Variants in RNASEH1 observed in about 807,000 individuals in gnomAD.
RNASEH1 encodes ribonuclease H type II.
A neutral mutation model predicts 34.6 loss-of-function variants in RNASEH1; 27 were observed. The ratio of observed to expected loss-of-function variants is 0.78; its 90% CI spans 0.58 to 1.08. The LOEUF is 1.08. Ranked by LOEUF, RNASEH1 falls within the 50% of genes least tolerant of loss-of-function variation. The pLI is 0.00. For missense variants in RNASEH1, 349 were observed against 373.6 expected (o/e 0.93, Z 0.54); for synonymous variants, 162 against 138.4 (o/e 1.17, Z -1.20).
At chr2:3,557,815 A>C in intron 1 of RNASEH1, 1 of 1,259,498 alleles carries the variant, frequency 7.9e-7, no homozygotes, top group Admixed American at 2.2e-5. Context: ...GTTCGTTCTG[A>C]TTACGTGTCA....
rs199645720 is a variant in RNASEH1 at position 3,550,435 on chromosome 2, G to A, written c.447C>T (p.Ser149=). Reference sequence around the variant, plus strand: ...CTCGCGGCCTTCTACGCCCATTACTGGAGCAGCAGCCATCAGTGTAGACGA... The same window carrying A: ...CTCGCGGCCTTCTACGCCCATTACTAGAGCAGCAGCCATCAGTGTAGACGA... ...FVVVYTDGCC[S]SNGRRRPRAG... is the part of the protein sequence containing the mutation. Residue 149 remains serine (S), a synonymous_variant, in exon 4 of 8, where the codon TCC becomes TCT. Transcript: ENST00000315212. 6.2e-7 allele frequency: 1 copy of A among 1,614,118 alleles called. No homozygotes were observed. The highest frequency in any genetic ancestry group is 8.5e-7 in the Non-Finnish European group (1 of 1,179,998).
downstream of RNASEH1, among the ~76,000 whole-genome samples, chr2:3,538,377 T>G (rs921093457): frequency 6.6e-6 from 1 of 151,302 alleles, no homozygotes; most frequent in Non-Finnish European, 1.5e-5. Context: ...AATATATATA[T>G]ATAAAAGATA....
intron 2 of RNASEH1, among the ~76,000 whole-genome samples, chr2:3,555,474 G>C (rs1244346413): frequency 6.6e-6 from 1 of 152,136 alleles, no homozygotes; most frequent in Non-Finnish European, 1.5e-5. Context: ...CACTGAGTGA[G>C]GGTCGACCCT....
intron 1 of RNASEH1, chr2:3,557,597 C>T: frequency 2.9e-6 from 1 of 340,160 alleles, no homozygotes; most frequent in South Asian, 2.3e-5. Flanking sequence ...GGCTCAAGTC[C>T]TTTCTCTGTC....
chr2:3,537,488 C>T (rs1362188005), downstream of RNASEH1, among the ~76,000 whole-genome samples: 3 of 152,042 alleles, frequency 2.0e-5, no homozygotes, highest in Admixed American at 1.3e-4. Flanking sequence ...GTTGGGAGGC[C>T]GAGGCTGGAG....
At chr2:3,541,118 G>GGA (rs1572273818), downstream of RNASEH1, among the ~76,000 whole-genome samples, 2 of 152,044 alleles carry the variant, frequency 1.3e-5, no homozygotes, top group African/African-American at 4.8e-5. Context: ...CACGAGGTCA[G>GGA]GAGATTGAGA....
At chr2:3,553,177 G>A (rs1660149840) in intron 2 of RNASEH1, among the ~76,000 whole-genome samples, 1 of 151,856 alleles carries the variant, frequency 6.6e-6, no homozygotes, top group Non-Finnish European at 1.5e-5. Context: ...GAACCCAGGA[G>A]GTGGAGCTTA....
Position 3,550,398 on chromosome 2 carries a change from C to T in RNASEH1, c.484G>A (p.Val162Ile), listed in dbSNP as rs780781103. The change falls in exon 4 of 8, where the codon GTT (valine) becomes ATT (isoleucine). Residue 162 changes from valine to isoleucine, a missense_variant. Coordinates refer to ENST00000315212, the MANE Select transcript of RNASEH1 (RefSeq NM_002936.6). ...GRRRPRAGIG[V>I]YWGPGHPLNV... ...AAAGGATGGCCTGGCCCCCAGTAAA[C>T]GCCGATTCCTGCTCGCGGCCTTCTA... 29 of 1,613,904 alleles carry T rather than the reference C, an allele frequency of 1.8e-5. No homozygotes were observed. Among genetic ancestry groups the T allele is most frequent in the Middle Eastern group, 1.6e-4 (1 of 6,084 alleles).
intron 6 of RNASEH1, 61 bp from the exon 7 acceptor site, chr2:3,548,116 T>C: frequency 1.3e-6 from 2 of 1,584,578 alleles, no homozygotes; most frequent in South Asian, 1.1e-5. Context: ...TTCACCTCCT[T>C]AGTCTTACCT....
rs1343604674 is a variant in RNASEH1 at position 3,542,222 on chromosome 2, A to G, written c.*3563T>C. On this transcript the variant is annotated 3_prime_UTR_variant, in exon 8 of 8. Coordinates refer to ENST00000315212, the MANE Select transcript of RNASEH1 (RefSeq NM_002936.6). ...TCTTAAAATAACAGATATGAAGTAC[A>G]CATAGAAAGAGCACACCATACGCTT... 6.6e-6 allele frequency among the ~76,000 whole-genome samples: 1 copy of G among 152,230 alleles called. No individual in the cohort carries two copies. The highest frequency in any genetic ancestry group is 1.9e-4 in the East Asian group (1 of 5,200).
Position 3,545,774 on chromosome 2 carries a change from A to T in RNASEH1, c.*11T>A. The T allele has an allele frequency of 6.2e-7, 1 of 1,601,108 alleles. No homozygotes were observed. The highest frequency in any genetic ancestry group is 8.6e-7 in the Non-Finnish European group (1 of 1,168,006). ...TGGCTCAAGTTCTCCCAAGGACTAA[A>T]GTCACATGGCTCAGTCTTCCGATTG... On this transcript the variant is annotated 3_prime_UTR_variant, in exon 8 of 8. Transcript: ENST00000315212.
rs1216612971 is a variant in RNASEH1, at chr2:3,545,710, A to G, written c.*75T>C. On this transcript the variant is annotated 3_prime_UTR_variant, in exon 8 of 8. Transcript: ENST00000315212. ...ACTGCAATGGTCCTACCTGCAGGCT[A>G]TTTTCCACACCAGTAAGTACAGGCA... The G allele has an allele frequency of 3.0e-6, 3 of 998,816 alleles. No individual in the cohort carries two copies. The highest frequency in any genetic ancestry group is 1.6e-5 in the African/African-American group (1 of 62,988). 61.9% of individuals were successfully genotyped at this position (998,816 alleles called of 1,614,324 possible). A position where few individuals can be genotyped will look rare whatever the true frequency, so the allele number is the denominator to read the frequency against.
At chr2:3,538,613 T>C (rs190774850), downstream of RNASEH1, among the ~76,000 whole-genome samples, 2 of 152,176 alleles carry the variant, frequency 1.3e-5, no homozygotes, top group African/African-American at 2.4e-5. Flanking sequence ...TGGGTACTTA[T>C]GGGGTCTGTC....
intron 1 of RNASEH1, 145 bp downstream of exon 1, chr2:3,557,988 A>G: frequency 2.0e-6 from 3 of 1,489,086 alleles, no homozygotes; most frequent in Non-Finnish European, 2.7e-6. Flanking sequence ...CGAGCAGGAA[A>G]ACGAGGCGGT....
In RNASEH1 at chr2:3,547,928, C is replaced by T; in HGVS notation, c.774+3G>A. The T allele has an allele frequency of 6.2e-7, 1 of 1,613,646 alleles. No individual in the cohort carries two copies. The highest frequency in any genetic ancestry group is 8.5e-7 in the Non-Finnish European group (1 of 1,179,616). On this transcript the variant is annotated splice_donor_region_variant and intron_variant, in intron 7 of 7. Coordinates refer to ENST00000315212, the MANE Select transcript of RNASEH1 (RefSeq NM_002936.6). The stretch of plus-strand genomic sequence containing the variant: ...ATAGGACATGAACATTTAAGATACT[C>T]ACCCACTGAATGTCCATCCCCTGGG...
downstream of RNASEH1, among the ~76,000 whole-genome samples, chr2:3,536,469 G>T (rs373296860): frequency 6.6e-6 from 1 of 152,194 alleles, no homozygotes; most frequent in African/African-American, 2.4e-5. Flanking sequence ...TCCTGGGCTG[G>T]CTCCGTTTGA....
intron 2 of RNASEH1, among the ~76,000 whole-genome samples, chr2:3,553,984 C>G (rs1480838435): frequency 1.3e-5 from 2 of 152,108 alleles, no homozygotes; most frequent in Non-Finnish European, 2.9e-5. Flanking sequence ...AACCCTAACC[C>G]AACACTACAG....
At chr2:3,532,264 T>G in the RNASEH1 span, 1 of 702,246 alleles carries the variant, frequency 1.4e-6, no homozygotes, top group Non-Finnish European at 2.6e-6. Flanking sequence ...TCATGTTATC[T>G]CCTCCCGTTT....
the RNASEH1 span, among the ~76,000 whole-genome samples, chr2:3,534,813 A>G: frequency 4.7e-4 from 71 of 152,358 alleles, no homozygotes; most frequent in Non-Finnish European, 7.5e-4. Context: ...ACAATGGAGC[A>G]TTCTTCAGCC....
Sources: gnomAD v4.1 joint callset for allele counts (sites outside exome capture counted in the v4.1 genomes callset) on GRCh38, gnomAD v4.1.1 for gene constraint, MANE v1.5 for transcripts, NCBI Gene and HGNC (gene_info 2026-07-23, HGNC 2026-07-21) for gene names.